AAK1: variants seen among roughly 807,000 people sequenced by gnomAD.
The protein encoded by AAK1 is AP2 associated kinase 1, also known as AP2-associated protein kinase 1.
In AAK1, 37 loss-of-function variants were observed where a neutral mutation model predicts 116.0. That is an observed-to-expected ratio of 0.32 (90% CI 0.25 to 0.42). The LOEUF (loss-of-function observed/expected upper bound fraction) is 0.42, where lower values mean the gene tolerates loss of function less well. Among genes scored for constraint, AAK1 ranks in the 10% least tolerant of loss-of-function variants. AAK1 has a pLI of 1.00. For missense variants in AAK1, 919 were observed against 1,170.6 expected (o/e 0.79, Z 3.14); for synonymous variants, 458 against 439.9 (o/e 1.04, Z -0.51).
chr2:69,603,960 A>T (rs1673689076), intron 2 of AAK1, among the ~76,000 whole-genome samples: 1 of 152,208 alleles, frequency 6.6e-6, no homozygotes, highest in African/African-American at 2.4e-5. Context: ...TTCCGATAAT[A>T]AGAGATATAG....
In AAK1 at chr2:69,643,203, T is replaced by C; in HGVS notation, c.-163A>G. The C allele has an allele frequency of 4.9e-6, 7 of 1,429,146 alleles. No homozygotes were observed. The highest frequency in any genetic ancestry group is 5.5e-6 in the Non-Finnish European group (6 of 1,100,628). 88.5% of individuals were successfully genotyped at this position (1,429,146 alleles called of 1,614,324 possible). ...GGGGTGGGGGCTGAGGGAGGATGCC[T>C]ATAGGAATATGCGTGTCAATCGCGC... On this transcript the variant is annotated 5_prime_UTR_variant, in exon 2 of 22. In the 5' UTR this introduces an upstream ATG that the reference lacks. Coordinates refer to ENST00000409085, the MANE Select transcript of AAK1 (RefSeq NM_014911.5).
intron 5 of AAK1, among the ~76,000 whole-genome samples, chr2:69,539,604 T>G (rs1328887716): frequency 6.6e-6 from 1 of 152,146 alleles, no homozygotes; most frequent in Non-Finnish European, 1.5e-5. Context: ...AACAAAAATT[T>G]TACTCATTGT....
chr2:69,640,073 T>TC lies in AAK1; in HGVS notation c.163+2804dup, dbSNP rs67065173. ...CACACACTCTCTCTCTCTCTCTCTC[T>TC]CTCTCTCCCCCCCCACATATATACA... On this transcript the variant is annotated intron_variant, in intron 2 of 21. Coordinates refer to ENST00000409085, the MANE Select transcript of AAK1 (RefSeq NM_014911.5). Among the ~76,000 whole-genome samples the TC allele has an allele frequency of 2.7e-5, 4 of 149,958 alleles. No homozygotes were observed. In the East Asian group the frequency reaches 8.2e-4, roughly 31 times the overall value.
intron 2 of AAK1, among the ~76,000 whole-genome samples, chr2:69,601,847 T>C (rs528710593): frequency 1.3e-5 from 2 of 152,316 alleles, no homozygotes; most frequent in East Asian, 1.9e-4. Flanking sequence ...AGGATTTATA[T>C]ACAAAGTATC....
Position 69,470,171 on chromosome 2 carries a change from A to G in AAK1, c.*5698T>C, listed in dbSNP as rs1674627889. The G allele has an allele frequency of 2.0e-6, 2 of 985,286 alleles. No homozygotes were observed. Among genetic ancestry groups the G allele is most frequent in the African/African-American group, 3.5e-5 (2 of 57,232 alleles). The allele number at this position is 985,286 out of a possible 1,614,324, so 61.0% of individuals were successfully genotyped here. On this transcript the variant is annotated 3_prime_UTR_variant, in exon 22 of 22. Transcript: ENST00000409085. ...ACACCAGAAGTTTACTTTTCCTCAT[A>G]CCAAAAACTGAAAGAACGGTTACAG...
Position 69,471,422 on chromosome 2 carries a change from T to A in AAK1, c.*4447A>T. 1.5e-5 allele frequency: 15 copies of A among 985,440 alleles called. No individual in the cohort carries two copies. The highest frequency in any genetic ancestry group is 1.8e-5 in the Non-Finnish European group (15 of 829,926). The allele number at this position is 985,440 out of a possible 1,614,324, so 61.0% of individuals were successfully genotyped here. On this transcript the variant is annotated 3_prime_UTR_variant, in exon 22 of 22. Coordinates refer to ENST00000409085, the MANE Select transcript of AAK1 (RefSeq NM_014911.5). ...TAATGTGGAAAAAGAAAAGGCTGAC[T>A]TTGTGTTGATAAAATTATAGCCTTT...
intron 11 of AAK1, 45 bp from the exon 12 acceptor site, chr2:69,519,285 C>A: frequency 6.8e-7 from 1 of 1,475,506 alleles, no homozygotes; most frequent in South Asian, 1.4e-5. Context: ...AATGCTTCCA[C>A]ACAAAAATGG....
intron 5 of AAK1, among the ~76,000 whole-genome samples, chr2:69,540,341 G>A (rs1464286149): frequency 1.3e-5 from 2 of 151,920 alleles, no homozygotes; most frequent in Non-Finnish European, 2.9e-5. Flanking sequence ...GGCTGGTCTC[G>A]AACTCCTGAC....
chr2:69,491,897 A>T (rs1443129826), intron 17 of AAK1, among the ~76,000 whole-genome samples: 1 of 152,158 alleles, frequency 6.6e-6, no homozygotes, highest in African/African-American at 2.4e-5. Flanking sequence ...ATCTATTTTT[A>T]TATTTCCCAA....
chr2:69,576,843 A>G (rs1459399941), intron 2 of AAK1, among the ~76,000 whole-genome samples: 1 of 152,214 alleles, frequency 6.6e-6, no homozygotes. Flanking sequence ...TCCACCTTAG[A>G]TAGCGGTCTG....
intron 13 of AAK1, among the ~76,000 whole-genome samples, chr2:69,513,968 T>C (rs1210454914): frequency 2.0e-5 from 3 of 152,156 alleles, no homozygotes; most frequent in Admixed American, 1.3e-4. Flanking sequence ...CCAGGGGGAT[T>C]ACACCAGGGT....
chr2:69,500,626 C>G (rs1000926240), intron 16 of AAK1, among the ~76,000 whole-genome samples: 1 of 136,000 alleles, frequency 7.4e-6, no homozygotes, highest in Non-Finnish European at 1.6e-5. Flanking sequence ...TAACTTTACT[C>G]AAATATGTGT....
At chr2:69,528,636 G>A (rs1670117565) in intron 8 of AAK1, among the ~76,000 whole-genome samples, 1 of 152,242 alleles carries the variant, frequency 6.6e-6, no homozygotes, top group South Asian at 2.1e-4. Flanking sequence ...AAGAGGACAG[G>A]CGAACTGGGT....
intron 2 of AAK1, among the ~76,000 whole-genome samples, chr2:69,640,755 C>T (rs1390279388): frequency 6.6e-6 from 1 of 152,212 alleles, no homozygotes; most frequent in Non-Finnish European, 1.5e-5. Context: ...TCTGTCTTTG[C>T]CCATGGTGCC....
intron 2 of AAK1, among the ~76,000 whole-genome samples, chr2:69,599,944 ATTTTTTTT>A (rs57552852): frequency 7.2e-6 from 1 of 138,366 alleles, no homozygotes; most frequent in Non-Finnish European, 1.6e-5. Context: ...TATCCAGCTA[ATTTTTTTT>A]TTTTTTTTTT....
chr2:69,495,834 T>G, intron 17 of AAK1, 151 bp downstream of exon 17: 1 of 624,636 alleles, frequency 1.6e-6, no homozygotes. Context: ...TTACTCCTCT[T>G]ATTGAGACAC....
chr2:69,563,675 A>G (rs1350274824), intron 2 of AAK1, among the ~76,000 whole-genome samples: 2 of 152,168 alleles, frequency 1.3e-5, no homozygotes, highest in Admixed American at 1.3e-4. Flanking sequence ...TCGTTTTCCA[A>G]TTTTCTGCCC....
intron 2 of AAK1, among the ~76,000 whole-genome samples, chr2:69,559,253 C>A (rs1337739950): frequency 1.6e-5 from 2 of 121,726 alleles, no homozygotes; most frequent in Non-Finnish European, 3.2e-5. Flanking sequence ...TTATCTATCT[C>A]TCTCTCTCTC....
At chr2:69,568,149 C>T (rs1260958797) in intron 2 of AAK1, among the ~76,000 whole-genome samples, 1 of 152,182 alleles carries the variant, frequency 6.6e-6, no homozygotes, top group Non-Finnish European at 1.5e-5. Context: ...AACCAGGACA[C>T]CATATGTTAG....
Sources: gnomAD v4.1 joint callset for allele counts (sites outside exome capture counted in the v4.1 genomes callset) on GRCh38, gnomAD v4.1.1 for gene constraint, MANE v1.5 for transcripts, NCBI Gene and HGNC (gene_info 2026-07-23, HGNC 2026-07-21) for gene names.